ACER1: variants seen among roughly 807,000 people sequenced by gnomAD.
ACER1 encodes the protein alkaline ceramidase 1.
In ACER1, 28 loss-of-function variants were observed where a neutral mutation model predicts 24.9. That is an observed-to-expected ratio of 1.13 (90% confidence interval 0.83 to 1.54). ACER1 has a LOEUF of 1.54. ACER1 is among the 40% of genes most tolerant of loss of function. The pLI, the probability that ACER1 is intolerant of heterozygous loss-of-function variation, is 0.00. For synonymous variants in ACER1, 132 were observed against 131.4 expected (o/e 1.00, Z -0.03); for missense variants, 352 against 349.3 (o/e 1.01, Z -0.06).
rs1252554682 is a variant in ACER1 at position 6,322,511 on chromosome 19, G to A, written c.94-10012C>T. On this transcript the variant is annotated intron_variant, in intron 1 of 5. Coordinates refer to ENST00000301452, the MANE Select transcript of ACER1 (RefSeq NM_133492.3). ...TTCATCTTTCAAAACCCAACCCTGG[G>A]TGCCCTTTTCCATGAAGCCTCCCAA... 2.0e-5 allele frequency among the ~76,000 whole-genome samples: 3 copies of A among 152,080 alleles called. No individual in the cohort carries two copies. In the East Asian group the frequency reaches 5.8e-4, roughly 29 times the overall value.
At chr19:6,310,876 TAA>T (rs5826928) in intron 3 of ACER1, among the ~76,000 whole-genome samples, 229 of 121,986 alleles carry the variant, frequency 1.9e-3, no homozygotes, top group Middle Eastern at 4.5e-3. Flanking sequence ...AGACTTCATC[TAA>T]AAAAAAAAAA....
chr19:6,347,109 A>AAAAAAAAAAAAAAAAAAAAT, the ACER1 span, among the ~76,000 whole-genome samples: 2 of 113,778 alleles, frequency 1.8e-5, no homozygotes, highest in African/African-American at 1.0e-4. Flanking sequence ...AAAAAAAAAA[A>AAAAAAAAAAAAAAAAAAAAT]ATATATATAT....
the ACER1 span, among the ~76,000 whole-genome samples, chr19:6,342,535 T>C: frequency 4.6e-5 from 7 of 151,602 alleles, no homozygotes; most frequent in South Asian, 4.2e-4. Context: ...CTGGCTAACA[T>C]GGTGAAACCC....
chr19:6,353,873 T>A, the ACER1 span, among the ~76,000 whole-genome samples: 2 of 149,702 alleles, frequency 1.3e-5, no homozygotes, highest in South Asian at 2.1e-4. Flanking sequence ...ATAAAATAAA[T>A]AAAATAAAAT....
intron 1 of ACER1, among the ~76,000 whole-genome samples, chr19:6,313,719 C>T (rs1443571696): frequency 6.6e-6 from 1 of 152,200 alleles, no homozygotes; most frequent in Non-Finnish European, 1.5e-5. Flanking sequence ...TTTTGACAAA[C>T]AGCATGAAGC....
In ACER1 at chr19:6,328,814, A is replaced by C. The variant is rs377144503; in HGVS notation, c.93+4645T>G. ...TCCAAGTAGCTGGAACTACGGATGC[A>C]TGCCACCATGCCTGGCTAATTTTTT... On this transcript the variant is annotated intron_variant, in intron 1 of 5. Transcript: ENST00000301452. Among the ~76,000 whole-genome samples, 32 of 150,210 alleles carry C rather than the reference A, an allele frequency of 2.1e-4. No homozygotes were observed. In the East Asian group the frequency reaches 6.3e-3, roughly 29 times the overall value.
the ACER1 span, among the ~76,000 whole-genome samples, chr19:6,358,317 C>T: frequency 1.3e-5 from 2 of 152,148 alleles, no homozygotes; most frequent in Admixed American, 6.5e-5. Context: ...TTCTGCTTTG[C>T]GGACCTGCAA....
intron 4 of ACER1, among the ~76,000 whole-genome samples, chr19:6,308,790 A>G (rs541445157): frequency 6.6e-6 from 1 of 152,256 alleles, no homozygotes; most frequent in Non-Finnish European, 1.5e-5. Flanking sequence ...ATCTGGGAGA[A>G]ATATGTAACA....
chr19:6,338,546 T>A (rs1458028302), upstream of ACER1, among the ~76,000 whole-genome samples: 1 of 152,336 alleles, frequency 6.6e-6, no homozygotes, highest in East Asian at 1.9e-4. Flanking sequence ...CTGGGATTCT[T>A]CTATATTATT....
At chr19:6,332,414 G>A (rs1184617543) in intron 1 of ACER1, among the ~76,000 whole-genome samples, 1 of 151,092 alleles carries the variant, frequency 6.6e-6, no homozygotes, top group Non-Finnish European at 1.5e-5. Context: ...GGAACTACAA[G>A]CACACACCAC....
chr19:6,321,238 C>T (rs909525247), intron 1 of ACER1, among the ~76,000 whole-genome samples: 5 of 151,754 alleles, frequency 3.3e-5, no homozygotes, highest in South Asian at 2.1e-4. Flanking sequence ...TGGGTTCAAG[C>T]GATTCTCCTG....
chr19:6,314,684 G>A (rs1307692594), intron 1 of ACER1, among the ~76,000 whole-genome samples: 1 of 151,840 alleles, frequency 6.6e-6, no homozygotes, highest in Non-Finnish European at 1.5e-5. Flanking sequence ...AATTTTCAAA[G>A]AACTAAAATT....
chr19:6,334,406 G>A (rs952640681), upstream of ACER1, among the ~76,000 whole-genome samples: 10 of 150,464 alleles, frequency 6.6e-5, no homozygotes, highest in African/African-American at 1.2e-4. Context: ...GTGTAGTGGC[G>A]CAATGTCAGC....
At chr19:6,314,419 G>A (rs898543164) in intron 1 of ACER1, among the ~76,000 whole-genome samples, 6 of 149,322 alleles carry the variant, frequency 4.0e-5, no homozygotes, top group African/African-American at 9.9e-5. Flanking sequence ...GTAGTGAGCC[G>A]AGATCACGCC....
intron 1 of ACER1, among the ~76,000 whole-genome samples, chr19:6,322,555 G>A (rs916120665): frequency 3.3e-5 from 5 of 151,992 alleles, no homozygotes; most frequent in African/African-American, 9.7e-5. Context: ...CTGACTCCTC[G>A]GGTGTTTTCT....
At chr19:6,332,036 G>A (rs1324547149) in intron 1 of ACER1, among the ~76,000 whole-genome samples, 2 of 146,426 alleles carry the variant, frequency 1.4e-5, no homozygotes, top group Admixed American at 7.0e-5. Flanking sequence ...GTGCGATCTC[G>A]GCTCATTGAA....
At chr19:6,321,154 G>A (rs76799586) in intron 1 of ACER1, among the ~76,000 whole-genome samples, 2 of 124,672 alleles carry the variant, frequency 1.6e-5, no homozygotes, top group Non-Finnish European at 3.4e-5. Flanking sequence ...TTTTTTTTTT[G>A]AGACCAAGTC....
At chr19:6,359,319 A>AT in the ACER1 span, among the ~76,000 whole-genome samples, 5,625 of 140,678 alleles carry the variant, frequency 0.04, 299 homozygotes, top group African/African-American at 0.13. Context: ...ATCTGCTGTG[A>AT]TTTTTTTTTT....
upstream of ACER1, among the ~76,000 whole-genome samples, chr19:6,335,692 G>A (rs186407318): frequency 7.2e-4 from 109 of 151,740 alleles, no homozygotes; most frequent in African/African-American, 2.4e-3. Context: ...GTAGCTGGGC[G>A]TGATGGTGGG....
Sources: gnomAD v4.1 joint callset for allele counts (sites outside exome capture counted in the v4.1 genomes callset) on GRCh38, gnomAD v4.1.1 for gene constraint, MANE v1.5 for transcripts, NCBI Gene and HGNC (gene_info 2026-07-23, HGNC 2026-07-21) for gene names.